Variants in BAIAP2L1 observed in about 807,000 individuals in gnomAD.
The protein encoded by BAIAP2L1 is BAR/IMD domain containing adaptor protein 2 like 1.
A neutral mutation model predicts 66.3 loss-of-function variants in BAIAP2L1; 35 were observed. The ratio of observed to expected loss-of-function variants is 0.53; its 90% CI spans 0.40 to 0.70. The LOEUF is 0.70. Among genes scored for constraint, BAIAP2L1 ranks in the 30% least tolerant of loss-of-function variants. The pLI is 0.00. For synonymous variants in BAIAP2L1, 269 were observed against 248.7 expected (o/e 1.08, Z -0.77); for missense variants, 622 against 656.9 (o/e 0.95, Z 0.58).
chr7:98,292,374 A>G lies in BAIAP2L1; in HGVS notation c.*1147T>C. The G allele has an allele frequency of 2.3e-6, 1 of 439,464 alleles. No homozygotes were observed. The highest frequency in any genetic ancestry group is 4.1e-6 in the Non-Finnish European group (1 of 241,932). The allele number at this position is 439,464 out of a possible 1,614,324, so 27.2% of individuals were successfully genotyped here. A position where few individuals can be genotyped will look rare whatever the true frequency, so the allele number is the denominator to read the frequency against. On this transcript the variant is annotated 3_prime_UTR_variant, in exon 14 of 14. Transcript: ENST00000005260. ...GTGGCGCCCACCACCACACCTGTCTAATTTTTGTATTTTTAGTAGAGACTC... is the reference window on the plus strand; with the variant it reads ...GTGGCGCCCACCACCACACCTGTCTGATTTTTGTATTTTTAGTAGAGACTC...
chr7:98,400,726 C>T (rs1803350144), intron 1 of BAIAP2L1, 76 bp downstream of exon 1: 2 of 1,491,812 alleles, frequency 1.3e-6, no homozygotes, highest in African/African-American at 1.4e-5. Flanking sequence ...GGGAAAGTAC[C>T]TTCCCGCGTA....
intron 6 of BAIAP2L1, among the ~76,000 whole-genome samples, chr7:98,316,072 T>A (rs149680196): frequency 7.9e-5 from 12 of 152,154 alleles, no homozygotes; most frequent in African/African-American, 2.9e-4. Flanking sequence ...AATTGAATCA[T>A]GGGGGCAGGT....
At chr7:98,377,223 A>C (rs1283858043) in intron 1 of BAIAP2L1, among the ~76,000 whole-genome samples, 1 of 152,172 alleles carries the variant, frequency 6.6e-6, no homozygotes, top group East Asian at 1.9e-4. Flanking sequence ...CTATTTCTTG[A>C]CTGACAGGCA....
intron 1 of BAIAP2L1, among the ~76,000 whole-genome samples, chr7:98,365,727 G>A (rs1015632395): frequency 6.6e-5 from 10 of 152,100 alleles, no homozygotes; most frequent in Non-Finnish European, 1.0e-4. Context: ...CAATCTGCCC[G>A]CCCTGGCCTC....
In BAIAP2L1 at chr7:98,310,548, C is replaced by A; in HGVS notation, c.852G>T (p.Met284Ile). 1 of 1,593,022 alleles carries A rather than the reference C, an allele frequency of 6.3e-7. No individual in the cohort carries two copies. The highest frequency in any genetic ancestry group is 1.9e-5 in the Admixed American group (1 of 53,360). The change falls in exon 9 of 14, where the codon ATG (methionine) becomes ATT (isoleucine). Residue 284 changes from methionine (M) to isoleucine (I), a missense_variant. By Grantham distance (10) the Met-to-Ile change is conservative (BLOSUM62 1). Coordinates refer to ENST00000005260, the MANE Select transcript of BAIAP2L1 (RefSeq NM_018842.5). ...ATGCTCTGCCTGAAGGAGCGGGGGG[C>A]ATCTTTGGTGAGCATTTAGAAAGGG... is the stretch of plus-strand genomic sequence containing the variant. ...YDTLSKCSPK[M>I]PPAPSGRAYT...
chr7:98,364,836 A>C (rs1472252909), intron 1 of BAIAP2L1, among the ~76,000 whole-genome samples: 2 of 151,262 alleles, frequency 1.3e-5, no homozygotes, highest in African/African-American at 4.9e-5. Context: ...AAATAAAAAC[A>C]ATTAGCCAAG....
intron 12 of BAIAP2L1, 78 bp downstream of exon 12, chr7:98,304,118 G>T: frequency 1.4e-6 from 2 of 1,410,932 alleles, no homozygotes; most frequent in Non-Finnish European, 9.4e-7. Context: ...AGAGCAAGGC[G>T]GTCACCACAG....
intron 1 of BAIAP2L1, among the ~76,000 whole-genome samples, chr7:98,390,963 A>G (rs1315060058): frequency 1.3e-5 from 2 of 150,848 alleles, no homozygotes. Context: ...CCTCTGGAGT[A>G]GCTGGGACTA....
At chr7:98,386,692 GGTTTTT>G in intron 1 of BAIAP2L1, 2 of 270,540 alleles carry the variant, frequency 7.4e-6, no homozygotes, top group East Asian at 6.0e-5. Flanking sequence ...ACTTTCCAAA[GGTTTTT>G]TTTTTTTTTT....
intron 3 of BAIAP2L1, among the ~76,000 whole-genome samples, chr7:98,347,003 C>T (rs937347148): frequency 6.6e-6 from 1 of 151,386 alleles, no homozygotes; most frequent in African/African-American, 2.4e-5. Context: ...AAAACAACAA[C>T]AACAACAACA....
chr7:98,299,776 C>T (rs929392428), intron 12 of BAIAP2L1, among the ~76,000 whole-genome samples: 1 of 152,230 alleles, frequency 6.6e-6, no homozygotes, highest in East Asian at 1.9e-4. Flanking sequence ...CGCAGTGACT[C>T]ACGCCTATAT....
In BAIAP2L1 at chr7:98,292,784, C is replaced by G. The variant is rs780882495; in HGVS notation, c.*737G>C. ...CTAGCTGAGTGAGAACACAAGGAGC[C>G]GTGACTCCGACGCCCAGGCCTGTGT... is the stretch of plus-strand genomic sequence containing the variant. On this transcript the variant is annotated 3_prime_UTR_variant, in exon 14 of 14. Coordinates refer to ENST00000005260, the MANE Select transcript of BAIAP2L1 (RefSeq NM_018842.5). 4 of 1,545,052 alleles carry G rather than the reference C, an allele frequency of 2.6e-6. No individual in the cohort carries two copies. The highest frequency in any genetic ancestry group is 3.5e-6 in the Non-Finnish European group (4 of 1,142,988).
intron 3 of BAIAP2L1, among the ~76,000 whole-genome samples, chr7:98,354,109 G>A (rs996319537): frequency 6.6e-5 from 10 of 151,814 alleles, no homozygotes; most frequent in Non-Finnish European, 1.0e-4. Context: ...GGCTTTATAC[G>A]GAGACTGTGA....
At chr7:98,314,866 C>T (rs547041425) in intron 7 of BAIAP2L1, among the ~76,000 whole-genome samples, 9 of 152,200 alleles carry the variant, frequency 5.9e-5, no homozygotes, top group African/African-American at 9.6e-5. Flanking sequence ...AAAGCTGACT[C>T]GCAGGTGAGA....
chr7:98,347,942 G>T, intron 3 of BAIAP2L1, among the ~76,000 whole-genome samples: 1 of 151,970 alleles, frequency 6.6e-6, no homozygotes, highest in Admixed American at 6.6e-5. Flanking sequence ...TGAACAATGA[G>T]AACATGGACA....
chr7:98,305,040 GTTTT>G (rs1386050479), intron 11 of BAIAP2L1, among the ~76,000 whole-genome samples: 103 of 87,112 alleles, frequency 1.2e-3, no homozygotes, highest in African/African-American at 4.7e-3. Context: ...TAATTTTTTT[GTTTT>G]TTGTTTTTTT....
At chr7:98,305,907 A>C (rs561166969) in intron 11 of BAIAP2L1, among the ~76,000 whole-genome samples, 1 of 152,292 alleles carries the variant, frequency 6.6e-6, no homozygotes, top group African/African-American at 2.4e-5. Context: ...GTGTATTTCA[A>C]GCCATGGGAG....
At chr7:98,325,261 T>C (rs980050035) in intron 3 of BAIAP2L1, among the ~76,000 whole-genome samples, 1 of 152,042 alleles carries the variant, frequency 6.6e-6, no homozygotes, top group Non-Finnish European at 1.5e-5. Flanking sequence ...CAGGTGCCTG[T>C]AGTCCCACCT....
chr7:98,339,029 T>C (rs970035863), intron 3 of BAIAP2L1, among the ~76,000 whole-genome samples: 11 of 148,892 alleles, frequency 7.4e-5, no homozygotes, highest in South Asian at 2.1e-4. Flanking sequence ...GGTGAGACTG[T>C]ACCATTGCAC....
Sources: gnomAD v4.1 joint callset for allele counts (sites outside exome capture counted in the v4.1 genomes callset) on GRCh38, gnomAD v4.1.1 for gene constraint, MANE v1.5 for transcripts, NCBI Gene and HGNC (gene_info 2026-07-23, HGNC 2026-07-21) for gene names.